The following DPY19L4 variants were observed in gnomAD, a reference collection of about 807,000 sequenced individuals.
The protein encoded by DPY19L4 is probable C-mannosyltransferase DPY19L4.
In DPY19L4, 97 loss-of-function variants were observed where a neutral mutation model predicts 102.8. The observed-to-expected ratio is 0.94, with a 90% confidence interval of 0.80 to 1.12. The LOEUF (loss-of-function observed/expected upper bound fraction) is 1.12, where lower values mean the gene tolerates loss of function less well. Ranked by LOEUF, DPY19L4 falls within the 50% of genes most tolerant of loss-of-function variation. The pLI, the probability that DPY19L4 is intolerant of heterozygous loss-of-function variation, is 0.00. For synonymous variants in DPY19L4, 252 were observed against 283.1 expected (o/e 0.89, Z 1.10); for missense variants, 815 against 850.4 (o/e 0.96, Z 0.52).
chr8:94,777,161 G>A (rs917405948), intron 13 of DPY19L4, among the ~76,000 whole-genome samples: 2 of 151,908 alleles, frequency 1.3e-5, no homozygotes. Flanking sequence ...CTGCCTCCCA[G>A]GCTTAGGTGA....
At chr8:94,752,989 A>G (rs568801107) in intron 6 of DPY19L4, among the ~76,000 whole-genome samples, 2 of 148,402 alleles carry the variant, frequency 1.3e-5, no homozygotes, top group South Asian at 4.2e-4. Flanking sequence ...AGGGTTTTCT[A>G]TGTACACAGT....
intron 11 of DPY19L4, among the ~76,000 whole-genome samples, chr8:94,767,695 G>T (rs1288711783): frequency 1.3e-5 from 2 of 152,136 alleles, no homozygotes; most frequent in African/African-American, 4.8e-5. Flanking sequence ...ATCTTAATAA[G>T]TAGGTATCTC....
rs1466803491 is a variant in DPY19L4 at position 94,770,631 on chromosome 8, C to T, written c.1454+60C>T. 1.9e-6 allele frequency: 3 copies of T among 1,602,124 alleles called. No individual in the cohort carries two copies. The Admixed American group carries it at 5.1e-5, about 27-fold the overall frequency. ...AAAGATTGTTGGCTGAGTGCGGTGACTCACACCTGTAATCCCAGCACTTTG... is the reference window on the plus strand; with the variant it reads ...AAAGATTGTTGGCTGAGTGCGGTGATTCACACCTGTAATCCCAGCACTTTG... On this transcript the variant is annotated intron_variant, in intron 13 of 18. Coordinates refer to ENST00000414645, the MANE Select transcript of DPY19L4 (RefSeq NM_181787.3).
intron 13 of DPY19L4, among the ~76,000 whole-genome samples, chr8:94,771,679 G>A (rs1812942513): frequency 6.6e-6 from 1 of 152,218 alleles, no homozygotes; most frequent in African/African-American, 2.4e-5. Context: ...CAAGAGTACT[G>A]CAGGTAGAGG....
intron 1 of DPY19L4, among the ~76,000 whole-genome samples, chr8:94,720,517 C>A (rs1810411807): frequency 6.6e-6 from 1 of 152,066 alleles, no homozygotes; most frequent in Non-Finnish European, 1.5e-5. Context: ...TGGGCGAACA[C>A]GCAGAAACTG....
intron 2 of DPY19L4, among the ~76,000 whole-genome samples, chr8:94,732,809 TTC>T (rs1308456930): frequency 1.1e-5 from 1 of 94,588 alleles, no homozygotes; most frequent in Non-Finnish European, 2.1e-5. Flanking sequence ...TTCTTTTTCT[TTC>T]TTTTTTTTTT....
chr8:94,789,609 C>A, intron 18 of DPY19L4, 137 bp from the exon 19 acceptor site: 1 of 744,248 alleles, frequency 1.3e-6, no homozygotes, highest in Non-Finnish European at 2.0e-6. Context: ...CTTCTATTTG[C>A]TAACAGTGAG....
At position 94,763,523 on chromosome 8, in the gene DPY19L4, T is replaced by C. The variant is rs112532336; in HGVS notation, c.871-1660T>C. On this transcript the variant is annotated intron_variant, in intron 8 of 18. Coordinates refer to ENST00000414645, the MANE Select transcript of DPY19L4 (RefSeq NM_181787.3). The stretch of plus-strand genomic sequence containing the variant: ...GCCCGTCTGATTTTTCTTTTCTTTT[T>C]TTTTTTTCTTTTTTTGAGACAGAGT... Among the ~76,000 whole-genome samples the C allele has an allele frequency of 4.0e-3, 592 of 149,830 alleles. 3 individuals are homozygous for C. Among genetic ancestry groups the C allele is most frequent in the African/African-American group, 0.014 (551 of 40,758 alleles).
chr8:94,721,884 G>A (rs1810474064), intron 1 of DPY19L4, among the ~76,000 whole-genome samples: 1 of 152,152 alleles, frequency 6.6e-6, no homozygotes. Flanking sequence ...CAAGGCGAGT[G>A]GATCACTTGA....
intron 7 of DPY19L4, 44 bp downstream of exon 7, chr8:94,756,203 T>G: frequency 6.3e-7 from 1 of 1,591,496 alleles, no homozygotes; most frequent in Non-Finnish European, 8.5e-7. Context: ...AATTCTGATG[T>G]ATTGCAAATG....
chr8:94,742,096 C>T (rs1388653517), intron 6 of DPY19L4, among the ~76,000 whole-genome samples: 4 of 152,170 alleles, frequency 2.6e-5, no homozygotes, highest in African/African-American at 7.2e-5. Flanking sequence ...CGGTGGCTCA[C>T]GCCTGTAATC....
At chr8:94,755,956 T>C in intron 6 of DPY19L4, 80 bp from the exon 7 acceptor site, 2 of 1,391,306 alleles carry the variant, frequency 1.4e-6, no homozygotes, top group Admixed American at 4.4e-5. Context: ...CAATGAGATT[T>C]GTGTTAAAGT....
chr8:94,739,995 G>C (rs1014164268), intron 6 of DPY19L4, among the ~76,000 whole-genome samples: 3 of 152,150 alleles, frequency 2.0e-5, no homozygotes, highest in African/African-American at 7.2e-5. Flanking sequence ...GTCTAATCAC[G>C]TGAGCCCTTA....
intron 2 of DPY19L4, among the ~76,000 whole-genome samples, chr8:94,727,137 C>T (rs901985539): frequency 3.9e-5 from 6 of 152,162 alleles, no homozygotes; most frequent in South Asian, 2.1e-4. Flanking sequence ...TGTTTTATGT[C>T]GGGGGTTCCC....
At chr8:94,762,029 G>A (rs1199166903) in intron 8 of DPY19L4, among the ~76,000 whole-genome samples, 195 bp downstream of exon 8, 1 of 152,190 alleles carries the variant, frequency 6.6e-6, no homozygotes, top group Non-Finnish European at 1.5e-5. Context: ...CTAAACGAAA[G>A]GGTGATATGA....
Position 94,783,626 on chromosome 8 carries a change from T to C in DPY19L4, c.1716-44T>C. 3 of 1,603,674 alleles carry C rather than the reference T, an allele frequency of 1.9e-6. No homozygotes were observed. The South Asian group carries it at 3.4e-5, about 18-fold the overall frequency. ...TGATATAGATCAGTGATCTAAATAG[T>C]ATACTTGCCTTTTCAGTGTGCAAAT... On this transcript the variant is annotated intron_variant, in intron 16 of 18. Coordinates refer to ENST00000414645, the MANE Select transcript of DPY19L4 (RefSeq NM_181787.3).
chr8:94,780,242 T>C, intron 14 of DPY19L4, 117 bp from the exon 15 acceptor site: 3 of 741,464 alleles, frequency 4.0e-6, no homozygotes, highest in Non-Finnish European at 5.7e-6. Context: ...ACTTCATTTT[T>C]TTTGAAATTT....
chr8:94,746,402 ATAG>A (rs1227076154), intron 6 of DPY19L4, among the ~76,000 whole-genome samples: 1 of 152,184 alleles, frequency 6.6e-6, no homozygotes, highest in African/African-American at 2.4e-5. Flanking sequence ...ATAATTTATA[ATAG>A]TAATATAGTC....
intron 2 of DPY19L4, among the ~76,000 whole-genome samples, chr8:94,727,639 C>T (rs1810748631): frequency 6.6e-6 from 1 of 152,196 alleles, no homozygotes; most frequent in South Asian, 2.1e-4. Context: ...TTCCAAATTT[C>T]CACTCCAACA....
Sources: allele counts gnomAD v4.1 joint callset (sites outside exome capture counted in the v4.1 genomes callset), GRCh38; gene constraint gnomAD v4.1.1; transcripts MANE v1.5; gene names NCBI Gene and HGNC (gene_info 2026-07-23, HGNC 2026-07-21).